Variants in PCDHGA7 observed in about 807,000 individuals in gnomAD.
PCDHGA7 encodes protocadherin gamma subfamily A, 7, also known as protocadherin gamma-A7.
A neutral mutation model predicts 58.3 loss-of-function variants in PCDHGA7; 44 were observed. That is an observed-to-expected ratio of 0.75 (90% CI 0.59 to 0.97). PCDHGA7 has a LOEUF of 0.97. PCDHGA7 is among the 50% of genes least tolerant of loss of function. The pLI is 0.00. For missense variants in PCDHGA7, 1,266 were observed against 1,188.7 expected, an observed-to-expected ratio of 1.06 and a Z score of -0.96; for synonymous variants, 516 against 504.2, an observed-to-expected ratio of 1.02 and a Z score of -0.31.
At chr5:141,456,364 G>A (rs778916049) in intron 1 of PCDHGA7, among the ~76,000 whole-genome samples, 2 of 152,258 alleles carry the variant, frequency 1.3e-5, no homozygotes, top group Admixed American at 6.5e-5. Flanking sequence ...TCCATGTGTG[G>A]TTCAGTTTAC....
intron 1 of PCDHGA7, among the ~76,000 whole-genome samples, chr5:141,462,538 C>G (rs565849689): frequency 1.3e-5 from 2 of 152,102 alleles, no homozygotes; most frequent in South Asian, 2.1e-4. Context: ...GTTCAGTGAT[C>G]TTTTCTTCTT....
chr5:141,468,820 C>G (rs1055751689), intron 1 of PCDHGA7, among the ~76,000 whole-genome samples: 1 of 151,830 alleles, frequency 6.6e-6, no homozygotes, highest in Non-Finnish European at 1.5e-5. Context: ...GAGCCAAGAT[C>G]AAGCCACTGC....
In PCDHGA7 at chr5:141,477,406, A is replaced by G. The variant is rs1004061582; in HGVS notation, c.2425-17401A>G. The G allele has an allele frequency of 6.2e-7, 1 of 1,614,154 alleles. No individual in the cohort carries two copies. Among genetic ancestry groups the G allele is most frequent in the Non-Finnish European group, 8.5e-7 (1 of 1,180,040 alleles). The stretch of plus-strand genomic sequence containing the variant: ...AATACAACCTCAGCATCACCGCCCG[A>G]GACGCCGGAACCCCTTCCCTCTCAG... On this transcript the variant is annotated intron_variant, in intron 1 of 3. Transcript: ENST00000518325. The surrounding 1 kb of genome is among the most constrained non-coding windows in gnomAD (Gnocchi z 4.9).
intron 1 of PCDHGA7, among the ~76,000 whole-genome samples, chr5:141,438,149 A>G (rs1441404688): frequency 6.6e-6 from 1 of 152,220 alleles, no homozygotes; most frequent in African/African-American, 2.4e-5. Context: ...TAGCCAGCCT[A>G]TGGCAAAGCT....
intron 1 of PCDHGA7, chr5:141,388,568 AC>A: frequency 6.2e-7 from 1 of 1,613,888 alleles, no homozygotes; most frequent in East Asian, 2.2e-5. Context: ...CTGCACAGAT[AC>A]ACGTTCTAGT....
chr5:141,487,297 C>A lies in PCDHGA7; in HGVS notation c.2425-7510C>A. ...TTTGCTTTGTCTCCTTTGGCTCATT[C>A]GTGGCACTACTCTCTAAGTGTCTTC... is the stretch of plus-strand genomic sequence containing the variant. On this transcript the variant is annotated intron_variant, in intron 1 of 3. Transcript: ENST00000518325. This position sits in a 1 kb window ranked among gnomAD's most constrained non-coding sequence, Gnocchi z 5.0. 1 of 1,614,102 alleles carries A rather than the reference C, an allele frequency of 6.2e-7. No homozygotes were observed. The highest frequency in any genetic ancestry group is 8.5e-7 in the Non-Finnish European group (1 of 1,180,002).
At chr5:141,457,318 C>T (rs990268003) in intron 1 of PCDHGA7, among the ~76,000 whole-genome samples, 3 of 152,238 alleles carry the variant, frequency 2.0e-5, no homozygotes, top group South Asian at 2.1e-4. Context: ...AAGAAACCTC[C>T]GGGTTACAGG....
intron 1 of PCDHGA7, chr5:141,418,237 T>G (rs1470328670): frequency 6.2e-7 from 1 of 1,614,044 alleles, no homozygotes. Context: ...TTGAGGATGT[T>G]AATGACCACG....
Position 141,431,297 on chromosome 5 carries a change from C to G in PCDHGA7, c.2424+45974C>G. Reference sequence around the variant, plus strand: ...GCTCAGCCCGAACACTCACTTCTCCCTCATCGTGCAAAATGGAGCCGACGG... The same window carrying G: ...GCTCAGCCCGAACACTCACTTCTCCGTCATCGTGCAAAATGGAGCCGACGG... On this transcript the variant is annotated intron_variant, in intron 1 of 3. Transcript: ENST00000518325. The surrounding 1 kb of genome is among the most constrained non-coding windows in gnomAD (Gnocchi z 4.8). The G allele has an allele frequency of 6.2e-7, 1 of 1,614,126 alleles. No individual in the cohort carries two copies. The highest frequency in any genetic ancestry group is 8.5e-7 in the Non-Finnish European group (1 of 1,180,036).
intron 1 of PCDHGA7, chr5:141,419,094 G>A (rs1241481126): frequency 2.5e-6 from 4 of 1,613,776 alleles, no homozygotes; most frequent in South Asian, 1.1e-5. Flanking sequence ...GCCCTGGATC[G>A]GGAGCAGACC....
chr5:141,419,748 G>T, intron 1 of PCDHGA7: 1 of 1,613,872 alleles, frequency 6.2e-7, no homozygotes, highest in Non-Finnish European at 8.5e-7. Flanking sequence ...CGCATGGTGC[G>T]TGCTTTGGGT....
In PCDHGA7 at chr5:141,477,836, G is replaced by T. The variant is rs1344676631; in HGVS notation, c.2425-16971G>T. On this transcript the variant is annotated intron_variant, in intron 1 of 3. Transcript: ENST00000518325. This position sits in a 1 kb window ranked among gnomAD's most constrained non-coding sequence, Gnocchi z 4.9. ...CCAGGTCCTATATCCTCGGCCAGGT[G>T]GGAGCTCGGTGGAGATGCTGCCTCG... The T allele has an allele frequency of 1.2e-6, 2 of 1,613,952 alleles. No individual in the cohort carries two copies. Among genetic ancestry groups the T allele is most frequent in the Non-Finnish European group, 1.7e-6 (2 of 1,180,012 alleles).
chr5:141,487,661 C>A lies in PCDHGA7; in HGVS notation c.2425-7146C>A. ...ACAAATGCTTGAGGGTTATTCTGATCCAGGCATATGGCTAGGCCATGTCCT... is the reference window on the plus strand; with the variant it reads ...ACAAATGCTTGAGGGTTATTCTGATACAGGCATATGGCTAGGCCATGTCCT... On this transcript the variant is annotated intron_variant, in intron 1 of 3. Transcript: ENST00000518325. This position sits in a 1 kb window ranked among gnomAD's most constrained non-coding sequence, Gnocchi z 5.0. The A allele has an allele frequency of 6.2e-7, 1 of 1,613,366 alleles. No homozygotes were observed. Among genetic ancestry groups the A allele is most frequent in the Non-Finnish European group, 8.5e-7 (1 of 1,179,646 alleles).
chr5:141,489,894 G>T lies in PCDHGA7; in HGVS notation c.2425-4913G>T. 1.2e-6 allele frequency: 2 copies of T among 1,614,204 alleles called. No homozygotes were observed. Among genetic ancestry groups the T allele is most frequent in the Non-Finnish European group, 1.7e-6 (2 of 1,180,028 alleles). The stretch of plus-strand genomic sequence containing the variant: ...TGGTGCTTACTGCTGTGGATGGGGG[G>T]ACCCCAGCCCGCTCAGGGACCACCC... On this transcript the variant is annotated intron_variant, in intron 1 of 3. Transcript: ENST00000518325. The surrounding 1 kb of genome is among the most constrained non-coding windows in gnomAD (Gnocchi z 4.5).
chr5:141,468,067 G>A (rs560511893), intron 1 of PCDHGA7, among the ~76,000 whole-genome samples: 34 of 152,032 alleles, frequency 2.2e-4, no homozygotes, highest in Non-Finnish European at 4.0e-4. Flanking sequence ...GCTCACACCT[G>A]TAATCCCAGC....
intron 1 of PCDHGA7, chr5:141,399,651 G>A (rs1561671286): frequency 1.2e-6 from 2 of 1,613,738 alleles, no homozygotes; most frequent in Non-Finnish European, 1.7e-6. Flanking sequence ...CGCAAAGTGG[G>A]GTGGTGTTCG....
At chr5:141,429,770 A>T (rs2097244120) in intron 1 of PCDHGA7, among the ~76,000 whole-genome samples, 1 of 152,122 alleles carries the variant, frequency 6.6e-6, no homozygotes, top group Admixed American at 6.6e-5. Context: ...CTATATTTTG[A>T]TGGGCTTCCA....
In PCDHGA7 at chr5:141,404,943, TAGCTGAC is replaced by T. The variant is rs770372146; in HGVS notation, c.2424+19624_2424+19630del. On this transcript the variant is annotated intron_variant, in intron 1 of 3. Transcript: ENST00000518325. ...GCCACTGTCACGCTCACAGTAGCCA[TAGCTGAC>T]AGCATCCCAGACATCCTGGCTGACC... 24 of 1,613,914 alleles carry T rather than the reference TAGCTGAC, an allele frequency of 1.5e-5. No individual in the cohort carries two copies. In the East Asian group the frequency reaches 4.0e-4, roughly 27 times the overall value.
At chr5:141,458,921 C>T (rs1471065767) in intron 1 of PCDHGA7, among the ~76,000 whole-genome samples, 1 of 151,960 alleles carries the variant, frequency 6.6e-6, no homozygotes, top group East Asian at 1.9e-4. Flanking sequence ...TTTGTGGAGA[C>T]GGGGTCTCAC....
Sources: allele counts gnomAD v4.1 joint callset (sites outside exome capture counted in the v4.1 genomes callset), GRCh38; gene constraint gnomAD v4.1.1; non-coding constraint Gnocchi (gnomAD v3.1); transcripts MANE v1.5; gene names NCBI Gene and HGNC (gene_info 2026-07-23, HGNC 2026-07-21).